The following DRC11 variants were observed in gnomAD, a reference collection of about 807,000 sequenced individuals.
DRC11 encodes the protein IQ and AAA domain-containing protein 1.
At chr2:236,480,272 T>C in the DRC11 span, among the ~76,000 whole-genome samples, 143 of 152,242 alleles carry the variant, frequency 9.4e-4, 1 homozygote, top group African/African-American at 3.3e-3. Context: ...CTTGGATATT[T>C]TTATCTTTCT....
At chr2:236,459,501 G>GTGTATACATACGTA in the DRC11 span, among the ~76,000 whole-genome samples, 109 of 102,606 alleles carry the variant, frequency 1.1e-3, 2 homozygotes, top group Non-Finnish European at 1.7e-3. Context: ...ACGTATATAT[G>GTGTATACATACGTA]TATACGTATA....
chr2:236,331,531 A>G, the DRC11 span: 1 of 1,613,996 alleles, frequency 6.2e-7, no homozygotes. The surrounding 1 kb of genome is among the most constrained non-coding windows in gnomAD (Gnocchi z 4.8). Flanking sequence ...GACCTTCGCC[A>G]GGCAGCTGAC....
chr2:236,431,439 G>C, the DRC11 span, among the ~76,000 whole-genome samples: 1 of 152,174 alleles, frequency 6.6e-6, no homozygotes, highest in African/African-American at 2.4e-5. The surrounding 1 kb of genome is among the most constrained non-coding windows in gnomAD (Gnocchi z 4.2). Context: ...AATCTTGTGA[G>C]AACTCACTCA....
At chr2:236,419,418 A>C in the DRC11 span, 1 of 1,294,386 alleles carries the variant, frequency 7.7e-7, no homozygotes, top group East Asian at 2.8e-5. The surrounding 1 kb of genome is among the most constrained non-coding windows in gnomAD (Gnocchi z 4.8). Flanking sequence ...CTTCTGGGGC[A>C]TGGTGGGGCT....
the DRC11 span, among the ~76,000 whole-genome samples, chr2:236,315,032 CA>C: frequency 7.9e-5 from 12 of 152,282 alleles, no homozygotes; most frequent in East Asian, 2.3e-3. This position sits in a 1 kb window ranked among gnomAD's most constrained non-coding sequence, Gnocchi z 5.1. Flanking sequence ...TCTATGGATG[CA>C]AACCATTATT....
chr2:236,506,853 T>C, the DRC11 span, among the ~76,000 whole-genome samples: 8 of 152,240 alleles, frequency 5.3e-5, no homozygotes, highest in Non-Finnish European at 7.3e-5. This position sits in a 1 kb window ranked among gnomAD's most constrained non-coding sequence, Gnocchi z 4.9. Flanking sequence ...TCCCAAGATC[T>C]TTCTAGACTT....
chr2:236,310,315 C>T, the DRC11 span, among the ~76,000 whole-genome samples: 1 of 152,172 alleles, frequency 6.6e-6, no homozygotes, highest in African/African-American at 2.4e-5. The surrounding 1 kb of genome is among the most constrained non-coding windows in gnomAD (Gnocchi z 5.5). Flanking sequence ...GAAACATCTG[C>T]AGAAGAAACT....
At chr2:236,447,613 C>T in the DRC11 span, among the ~76,000 whole-genome samples, 3 of 152,218 alleles carry the variant, frequency 2.0e-5, no homozygotes, top group South Asian at 2.1e-4. The surrounding 1 kb of genome is among the most constrained non-coding windows in gnomAD (Gnocchi z 4.6). Flanking sequence ...AAACCTACAA[C>T]GGTCTTACCA....
the DRC11 span, among the ~76,000 whole-genome samples, chr2:236,345,223 G>A: frequency 2.5e-3 from 380 of 151,342 alleles, 6 homozygotes; most frequent in African/African-American, 8.8e-3. Context: ...CTCCCCGTGC[G>A]GCTCATCAGC....
chr2:236,449,661 G>C, the DRC11 span, among the ~76,000 whole-genome samples: 16 of 152,150 alleles, frequency 1.1e-4, no homozygotes, highest in Admixed American at 1.0e-3. This position sits in a 1 kb window ranked among gnomAD's most constrained non-coding sequence, Gnocchi z 5.1. Context: ...GGCTTTACAG[G>C]CATCTCTGCT....
At chr2:236,459,464 C>T in the DRC11 span, among the ~76,000 whole-genome samples, 285 of 147,318 alleles carry the variant, frequency 1.9e-3, 1 homozygote, top group African/African-American at 6.4e-3. Flanking sequence ...GAAAGAATTC[C>T]TAAAACTGTA....
chr2:236,330,988 A>G, the DRC11 span, among the ~76,000 whole-genome samples: 4 of 152,212 alleles, frequency 2.6e-5, 1 homozygote, highest in Admixed American at 2.6e-4. The surrounding 1 kb of genome is among the most constrained non-coding windows in gnomAD (Gnocchi z 5.5). Flanking sequence ...TGGGCCCCAA[A>G]CAGCATTGGC....
chr2:236,330,249 T>C, the DRC11 span, among the ~76,000 whole-genome samples: 2 of 151,640 alleles, frequency 1.3e-5, no homozygotes, highest in Non-Finnish European at 3.0e-5. This position sits in a 1 kb window ranked among gnomAD's most constrained non-coding sequence, Gnocchi z 5.5. Context: ...TGGGCCAAAT[T>C]TGGCCTGTTG....
the DRC11 span, chr2:236,409,023 G>A: frequency 6.2e-6 from 4 of 644,622 alleles, no homozygotes; most frequent in East Asian, 2.9e-5. Flanking sequence ...GTGCACTTCC[G>A]AGGCAGGAAG....
chr2:236,474,648 G>GTTATCATTTTTTTTTTTTTTTT, the DRC11 span, among the ~76,000 whole-genome samples: 3 of 152,002 alleles, frequency 2.0e-5, no homozygotes, highest in South Asian at 6.2e-4. Context: ...CATAACAATT[G>GTTATCATTTTTTTTTTTTTTTT]TTTTTATCAT....
the DRC11 span, among the ~76,000 whole-genome samples, chr2:236,308,222 C>CTTCGG: frequency 6.6e-6 from 1 of 152,268 alleles, no homozygotes; most frequent in Non-Finnish European, 1.5e-5. This position sits in a 1 kb window ranked among gnomAD's most constrained non-coding sequence, Gnocchi z 6.0. Context: ...CCAGGCCTTG[C>CTTCGG]TTCTCTCAGT....
the DRC11 span, among the ~76,000 whole-genome samples, chr2:236,425,199 A>G: frequency 2.6e-5 from 4 of 151,954 alleles, no homozygotes; most frequent in Non-Finnish European, 5.9e-5. Context: ...TTGCTGGATC[A>G]TATAGTTCTA....
chr2:236,357,643 A>AATAT, the DRC11 span, among the ~76,000 whole-genome samples: 1 of 41,438 alleles, frequency 2.4e-5, no homozygotes, highest in Non-Finnish European at 4.8e-5. Context: ...ATAATATGTA[A>AATAT]ATATATAAAT....
chr2:236,321,690 C>T, the DRC11 span, among the ~76,000 whole-genome samples: 2 of 152,196 alleles, frequency 1.3e-5, no homozygotes, highest in Non-Finnish European at 2.9e-5. Flanking sequence ...AGACAGAGCT[C>T]ATGGCCCCAT....
Sources: gnomAD v4.1 joint callset for allele counts (sites outside exome capture counted in the v4.1 genomes callset) on GRCh38, gnomAD v4.1.1 for gene constraint, Gnocchi (gnomAD v3.1) non-coding constraint, MANE v1.5 for transcripts, NCBI Gene and HGNC (gene_info 2026-07-23, HGNC 2026-07-21) for gene names.